Variants in TTLL8 observed in about 807,000 individuals in gnomAD.
The protein encoded by TTLL8 is tubulin tyrosine ligase like 8.
In TTLL8, 65 loss-of-function variants were observed where a neutral mutation model predicts 77.8. That is an observed-to-expected ratio of 0.84 (90% CI 0.68 to 1.03). The LOEUF (loss-of-function observed/expected upper bound fraction) is 1.03. TTLL8 is among the 50% of genes least tolerant of loss of function. TTLL8 has a pLI of 0.00. For synonymous variants in TTLL8, 402 were observed against 422.8 expected (o/e 0.95, Z 0.60); for missense variants, 910 against 1,004.5 (o/e 0.91, Z 1.27).
rs776897083 is a variant in TTLL8, at chr22:50,034,349, G to A, written c.1035C>T (p.Ser345=). The A allele has an allele frequency of 1.5e-6, 2 of 1,365,328 alleles. No individual in the cohort carries two copies. Among genetic ancestry groups the A allele is most frequent in the South Asian group, 1.1e-5 (1 of 87,966 alleles). 84.6% of individuals were successfully genotyped at this position (1,365,328 alleles called of 1,614,324 possible). A position where few individuals can be genotyped will look rare whatever the true frequency, so the allele number is the denominator to read the frequency against. ...CGGTGCAGGGAGCATCCGCACCAGG[G>A]GACTCACCTCGGCCCCGGGACTTGG... is the stretch of plus-strand genomic sequence containing the variant. The change falls in exon 9 of 14, where the codon TCC becomes TCT. Residue 345 remains serine (S), a synonymous_variant. Transcript: ENST00000266182. This position sits in a 1 kb window ranked among gnomAD's most constrained non-coding sequence, Gnocchi z 4.1.
Position 50,044,590 on chromosome 22 carries a change from A to G in TTLL8, c.643+665T>C, listed in dbSNP as rs995296472. Among the ~76,000 whole-genome samples, 1 of 152,096 alleles carries G rather than the reference A, an allele frequency of 6.6e-6. No individual in the cohort carries two copies. The highest frequency in any genetic ancestry group is 1.5e-5 in the Non-Finnish European group (1 of 68,016). ...CCCTGCAGCCTCCTGATTGGCACAA[A>G]TCACCGTTTGCTCAAATACACTCTA... On this transcript the variant is annotated intron_variant, in intron 6 of 13. Coordinates refer to ENST00000266182, the Ensembl canonical transcript of TTLL8. The surrounding 1 kb of genome is among the most constrained non-coding windows in gnomAD (Gnocchi z 4.2).
intron 12 of TTLL8, among the ~76,000 whole-genome samples, 194 bp from the exon 14 acceptor site, chr22:50,018,985 A>G (rs2061180784): frequency 6.6e-6 from 1 of 152,248 alleles, no homozygotes; most frequent in Non-Finnish European, 1.5e-5. Flanking sequence ...TGTGCAAGCG[A>G]TGATGATAAT....
Position 50,034,290 on chromosome 22 carries a change from T to C in TTLL8, c.1039+55A>G, listed in dbSNP as rs1434151975. 4 of 1,323,830 alleles carry C rather than the reference T, an allele frequency of 3.0e-6. No homozygotes were observed. Among genetic ancestry groups the C allele is most frequent in the Non-Finnish European group, 4.0e-6 (4 of 999,634 alleles). 82.0% of individuals were successfully genotyped at this position (1,323,830 alleles called of 1,614,324 possible). A position where few individuals can be genotyped will look rare whatever the true frequency, so the allele number is the denominator to read the frequency against. On this transcript the variant is annotated intron_variant, in intron 9 of 13. Transcript: ENST00000266182. The surrounding 1 kb of genome is among the most constrained non-coding windows in gnomAD (Gnocchi z 4.1). ...GAAACTGTCCCTCACTCACGGCTCC[T>C]GGCATCAAGTGTGGCCGTTGGTGGC...
In TTLL8 at chr22:50,031,734, G is replaced by A. The variant is rs376697631; in HGVS notation, c.1659C>T (p.Ala553=). 327 of 1,347,036 alleles carry A rather than the reference G, an allele frequency of 2.4e-4. 2 individuals are homozygous for A. Among genetic ancestry groups the A allele is most frequent in the Non-Finnish European group, 3.0e-4 (307 of 1,007,636 alleles). The allele number at this position is 1,347,036 out of a possible 1,614,324, so 83.4% of individuals were successfully genotyped here. The change falls in exon 11 of 14, where the codon GCC becomes GCT. Residue 553 remains alanine, a synonymous_variant. Transcript: ENST00000266182. Reference sequence around the variant, plus strand: ...TGCCGATGTCACAGCTGCGGTCCACGGCCACCTTGATGGTGTCCTCCTGCA... The same window carrying A: ...TGCCGATGTCACAGCTGCGGTCCACAGCCACCTTGATGGTGTCCTCCTGCA...
rs1238296725 is a variant in TTLL8, at chr22:50,022,865, G to A, written c.2204-6303C>T. 3.3e-5 allele frequency among the ~76,000 whole-genome samples: 5 copies of A among 152,372 alleles called. No individual in the cohort carries two copies. The East Asian group carries it at 9.6e-4, about 29-fold the overall frequency. ...CATCTACAAGTTGCCAGAATCAAGA[G>A]GTGAATTTACCAACAAGTTGGGACA... On this transcript the variant is annotated intron_variant, in intron 12 of 13. Coordinates refer to ENST00000266182, the Ensembl canonical transcript of TTLL8.
intron 12 of TTLL8, chr22:50,030,099 C>A: frequency 1.1e-6 from 1 of 907,030 alleles, no homozygotes; most frequent in Admixed American, 6.2e-5. Flanking sequence ...CGGCGCTGTT[C>A]AAGGTCCTAA....
At chr22:50,057,914 C>A (rs963074252), upstream of TTLL8, among the ~76,000 whole-genome samples, 6 of 150,110 alleles carry the variant, frequency 4.0e-5, no homozygotes, top group African/African-American at 1.5e-4. Flanking sequence ...CGAGGGCGGG[C>A]GAGTGGGTAG....
intron 12 of TTLL8, among the ~76,000 whole-genome samples, chr22:50,021,130 C>G (rs1251646068): frequency 1.4e-5 from 2 of 147,862 alleles, no homozygotes; most frequent in African/African-American, 5.0e-5. Context: ...GACATTCACT[C>G]CTCCATCTGA....
Position 50,041,536 on chromosome 22 carries a change from G to T in TTLL8, c.830+85C>A, listed in dbSNP as rs1019288742. ...GCCTAATGCCCAGACAGGTGACCCAGTTCCCAGAGGCTGCACTGCCCCGGC... is the reference window on the plus strand; with the variant it reads ...GCCTAATGCCCAGACAGGTGACCCATTTCCCAGAGGCTGCACTGCCCCGGC... On this transcript the variant is annotated intron_variant, in intron 7 of 13. Coordinates refer to ENST00000266182, the Ensembl canonical transcript of TTLL8. This position sits in a 1 kb window ranked among gnomAD's most constrained non-coding sequence, Gnocchi z 4.3. The T allele has an allele frequency of 1.2e-5, 15 of 1,235,170 alleles. No homozygotes were observed. Among genetic ancestry groups the T allele is most frequent in the African/African-American group, 1.6e-5 (1 of 63,614 alleles). The allele number at this position is 1,235,170 out of a possible 1,614,324, so 76.5% of individuals were successfully genotyped here.
At chr22:50,057,184 GGT>G (rs1491201966), upstream of TTLL8, among the ~76,000 whole-genome samples, 1 of 148,640 alleles carries the variant, frequency 6.7e-6, no homozygotes, top group African/African-American at 2.5e-5. Context: ...TCAGGTCTGG[GGT>G]TGGGGGTCAG....
intron 12 of TTLL8, among the ~76,000 whole-genome samples, chr22:50,022,453 G>A (rs2061210033): frequency 7.4e-6 from 1 of 136,010 alleles, no homozygotes; most frequent in African/African-American, 2.9e-5. Context: ...ATCTGATGAT[G>A]TGTACTCCTC....
chr22:50,030,057 CCTCG>C (rs1299236264), intron 12 of TTLL8: 1 of 696,714 alleles, frequency 1.4e-6, no homozygotes, highest in Non-Finnish European at 1.8e-6. Context: ...CACTTTGGCC[CCTCG>C]CTCGGCCAGG....
intron 12 of TTLL8, among the ~76,000 whole-genome samples, chr22:50,019,411 C>G (rs2061182618): frequency 6.6e-6 from 1 of 152,218 alleles, no homozygotes; most frequent in Non-Finnish European, 1.5e-5. Flanking sequence ...CATGTGTGCT[C>G]CCCTCCTGTC....
Position 50,045,893 on chromosome 22 carries a change from G to GT in TTLL8, c.470dup (p.Tyr157Ter). ...GCTGCTCACTCTCGGTGCAGAGGCTGTAGCAGCGTGGGAAGAAGGAGTCGG... is the reference window on the plus strand; with the variant it reads ...GCTGCTCACTCTCGGTGCAGAGGCTGTTAGCAGCGTGGGAAGAAGGAGTCGG... Residue 157 changes from tyrosine (Y) to a stop codon, truncating the protein, a stop_gained and frameshift_variant, in exon 5 of 14, where the codon TAC becomes TAAC. Transcript: ENST00000266182. LOFTEE classifies it high-confidence loss of function. 7.3e-7 allele frequency: 1 copy of GT among 1,360,630 alleles called. No homozygotes were observed. Among genetic ancestry groups the GT allele is most frequent in the Non-Finnish European group, 9.8e-7 (1 of 1,020,218 alleles). The allele number at this position is 1,360,630 out of a possible 1,614,324, so 84.3% of individuals were successfully genotyped here.
intron 5 of TTLL8, among the ~76,000 whole-genome samples, chr22:50,045,612 G>A (rs138708333): frequency 1.6e-3 from 240 of 152,244 alleles, no homozygotes; most frequent in Middle Eastern, 0.01. Context: ...CCACGGAGCC[G>A]GCCTTGCCCC....
chr22:50,020,483 C>T (rs920476936), intron 12 of TTLL8, among the ~76,000 whole-genome samples: 2 of 151,572 alleles, frequency 1.3e-5, no homozygotes, highest in Non-Finnish European at 2.9e-5. Flanking sequence ...TGTACTCCTC[C>T]ATCTGACATG....
At chr22:50,057,357 G>GC (rs71198208), upstream of TTLL8, among the ~76,000 whole-genome samples, 1 of 91,084 alleles carries the variant, frequency 1.1e-5, no homozygotes. Context: ...TGGGTTGTGA[G>GC]TCAGGTCTGG....
chr22:50,037,099 G>A (rs1017593192), intron 8 of TTLL8, among the ~76,000 whole-genome samples: 1 of 152,338 alleles, frequency 6.6e-6, no homozygotes, highest in African/African-American at 2.4e-5. Flanking sequence ...AAACGTGTAA[G>A]AAACTGTCAA....
intron 12 of TTLL8, among the ~76,000 whole-genome samples, chr22:50,025,854 A>G (rs2061227206): frequency 6.6e-6 from 1 of 152,210 alleles, no homozygotes. Flanking sequence ...TACACCTACC[A>G]GACTGGCTAA....
Sources: allele counts gnomAD v4.1 joint callset (sites outside exome capture counted in the v4.1 genomes callset), GRCh38; gene constraint gnomAD v4.1.1; non-coding constraint Gnocchi (gnomAD v3.1); transcripts MANE v1.5; gene names NCBI Gene and HGNC (gene_info 2026-07-23, HGNC 2026-07-21).